PHF8: variants seen among roughly 807,000 people sequenced by gnomAD.
PHF8 encodes the protein PHD finger protein 8, also known as histone lysine demethylase PHF8.
In PHF8, 9 loss-of-function variants were observed where a neutral mutation model predicts 74.4. The observed-to-expected ratio is 0.12, with a 90% CI of 0.07 to 0.21. The LOEUF (loss-of-function observed/expected upper bound fraction) is 0.21, where lower values mean the gene tolerates loss of function less well. Among genes scored for constraint, PHF8 ranks in the 10% least tolerant of loss-of-function variants. The probability of loss-of-function intolerance (pLI) is 1.00; values close to 1 mark genes in which losing one functional copy is unlikely to be tolerated. For synonymous variants in PHF8, 311 were observed against 316.6 expected (o/e 0.98, Z 0.19); for missense variants, 478 against 816.6 (o/e 0.59, Z 5.05).
intron 10 of PHF8, 39 bp downstream of exon 10, chrX:54,002,116 G>T (rs782037618): frequency 2.7e-6 from 2 of 741,555 alleles, no homozygotes; most frequent in South Asian, 2.1e-5. Context: ...TCACTCAGGG[G>T]AGAGGGGCAA....
At chrX:53,943,809 C>A (rs2064790184) in intron 20 of PHF8, among the ~76,000 whole-genome samples, 1 of 112,079 alleles carries the variant, frequency 8.9e-6, no homozygotes, top group African/African-American at 3.2e-5. Flanking sequence ...CCCCTCAGGG[C>A]TTCATATGAG....
intron 7 of PHF8, 53 bp downstream of exon 7, chrX:54,014,324 C>T (rs1300451107): frequency 9.8e-6 from 8 of 817,072 alleles, no homozygotes; most frequent in Admixed American, 8.9e-5. Flanking sequence ...CCATGTGACA[C>T]GTACAGGGAG....
At chrX:53,969,820 C>T (rs1425427945) in intron 18 of PHF8, among the ~76,000 whole-genome samples, 3 of 111,550 alleles carry the variant, frequency 2.7e-5, no homozygotes, top group African/African-American at 6.5e-5. Context: ...ATAAATCCAC[C>T]CACTTATAGC....
intron 18 of PHF8, among the ~76,000 whole-genome samples, chrX:53,975,375 T>A (rs1691766222): frequency 8.9e-6 from 1 of 112,082 alleles, no homozygotes. Context: ...GCTGGGCATA[T>A]CCAAAAGGAA....
chrX:54,040,632 G>T (rs1557115604), intron 2 of PHF8, among the ~76,000 whole-genome samples: 12 of 111,876 alleles, frequency 1.1e-4, no homozygotes, highest in Admixed American at 1.1e-3. Context: ...GCATAAAGGA[G>T]TATAAAATTT....
chrX:53,943,451 TAGATTACA>T, intron 20 of PHF8: 1 of 1,053,801 alleles, frequency 9.5e-7, no homozygotes, highest in South Asian at 2.8e-5. Context: ...ATTGGGCAGA[TAGATTACA>T]TTACACATTA....
At chrX:53,983,951 A>G (rs1188395579) in intron 18 of PHF8, among the ~76,000 whole-genome samples, 1 of 112,766 alleles carries the variant, frequency 8.9e-6, no homozygotes, top group East Asian at 2.8e-4. Context: ...AAATGATGAC[A>G]AAGGTTATCT....
intron 18 of PHF8, among the ~76,000 whole-genome samples, chrX:53,977,078 T>C (rs2065390544): frequency 8.9e-6 from 1 of 112,718 alleles, no homozygotes; most frequent in African/African-American, 3.2e-5. Context: ...CTCATGCCAA[T>C]AATCCCAGCA....
intron 18 of PHF8, 149 bp downstream of exon 18, chrX:53,984,765 A>G (rs1330345098): frequency 1.9e-6 from 1 of 531,548 alleles, no homozygotes; most frequent in African/African-American, 2.3e-5. Flanking sequence ...CCATTTTACA[A>G]ATTAGGAAAA....
rs1163489158 is a variant in PHF8 at position 53,937,446 on chromosome X, C to T, written c.*1712G>A. On this transcript the variant is annotated 3_prime_UTR_variant, in exon 22 of 22. Coordinates refer to ENST00000338154, the MANE Select transcript of PHF8 (RefSeq NM_015107.3). ...GGCTTCTCCTGCTCTCCCCTCACTA[C>T]CCTCTGCTGCCTTGAAATCCCCAAA... The T allele has an allele frequency of 8.8e-6, 1 of 113,532 alleles. No individual in the cohort carries two copies. The highest frequency in any genetic ancestry group is 2.8e-4 in the East Asian group (1 of 3,595). 9.4% of individuals were successfully genotyped at this position (113,532 alleles called of 1,213,427 possible). A position where few individuals can be genotyped will look rare whatever the true frequency, so the allele number is the denominator to read the frequency against.
rs782504592 is a variant in PHF8 at position 54,022,321 on chromosome X, C to T, written c.231G>A (p.Gly77=). The T allele has an allele frequency of 1.7e-6, 2 of 1,208,211 alleles. No individual in the cohort carries two copies. Among genetic ancestry groups the T allele is most frequent in the Non-Finnish European group, 2.2e-6 (2 of 892,213 alleles). Residue 77 remains glycine (G), a synonymous_variant, in exon 4 of 22, where the codon GGG becomes GGA. Transcript: ENST00000338154. ...GSSKGHDTHK[G]KPVKTGSPTF... ...TAGGGCTCCCGGTCTTCACTGGTTT[C>T]CCCTTGTGTGTATCATGCCCCTTTG...
chrX:54,040,827 A>G (rs2066540065), intron 2 of PHF8, among the ~76,000 whole-genome samples: 1 of 112,267 alleles, frequency 8.9e-6, no homozygotes, highest in Non-Finnish European at 1.9e-5. Context: ...CTTGATCAGC[A>G]CTAGCAAAGA....
At chrX:53,946,655 A>G (rs138285527) in intron 19 of PHF8, among the ~76,000 whole-genome samples, 82 of 112,436 alleles carry the variant, frequency 7.3e-4, no homozygotes, top group African/African-American at 2.3e-3. Context: ...AAGGCATTCA[A>G]ATGCCACATG....
intron 14 of PHF8, 61 bp downstream of exon 14, chrX:53,992,675 T>A (rs2065684808): frequency 1.5e-6 from 1 of 668,663 alleles, no homozygotes; most frequent in African/African-American, 2.2e-5. Context: ...CCATGCCCTG[T>A]CTCAGTGGCA....
At position 53,968,628 on chromosome X, in the gene PHF8, G is replaced by A. The variant is rs781947699; in HGVS notation, c.2444-5689C>T. On this transcript the variant is annotated intron_variant, in intron 18 of 21. Coordinates refer to ENST00000338154, the MANE Select transcript of PHF8 (RefSeq NM_015107.3). ...TACAACAATTAAAACTACAGGCCTCGCCGGGCACGGTGGCTCACGCCTGTA... is the reference window on the plus strand; with the variant it reads ...TACAACAATTAAAACTACAGGCCTCACCGGGCACGGTGGCTCACGCCTGTA... 6.2e-5 allele frequency among the ~76,000 whole-genome samples: 7 copies of A among 112,676 alleles called. No individual in the cohort carries two copies. The East Asian group carries it at 1.1e-3, about 18-fold the overall frequency.
In PHF8 at chrX:53,938,269, G is replaced by A. The variant is rs191937963; in HGVS notation, c.*889C>T. 49 of 1,030,877 alleles carry A rather than the reference G, an allele frequency of 4.8e-5. No individual in the cohort carries two copies. The highest frequency in any genetic ancestry group is 3.3e-4 in the East Asian group (9 of 27,169). The allele number at this position is 1,030,877 out of a possible 1,213,427, so 85.0% of individuals were successfully genotyped here. On this transcript the variant is annotated 3_prime_UTR_variant, in exon 22 of 22. Coordinates refer to ENST00000338154, the MANE Select transcript of PHF8 (RefSeq NM_015107.3). ...GCCAGGGTTATCTGCGTCATTGGCA[G>A]GTGCTTTCAGGTTTCTGGGAGATGG...
At position 53,966,302 on chromosome X, in the gene PHF8, C is replaced by T. The variant is rs1457130209; in HGVS notation, c.2444-3363G>A. On this transcript the variant is annotated intron_variant, in intron 18 of 21. Transcript: ENST00000338154. The stretch of plus-strand genomic sequence containing the variant: ...GCCGAGCTGAAGCTGGACTGTACTG[C>T]TGCCATCTCGGCTCACTGCAACCTC... 4.5e-5 allele frequency among the ~76,000 whole-genome samples: 5 copies of T among 111,871 alleles called. No individual in the cohort carries two copies. In the East Asian group the frequency reaches 1.1e-3, roughly 25 times the overall value.
At position 53,943,428 on chromosome X, in the gene PHF8, G is replaced by A. The variant is rs997912812; in HGVS notation, c.2649+706C>T. 4.7e-6 allele frequency: 5 copies of A among 1,065,642 alleles called. No individual in the cohort carries two copies. In the Admixed American group the frequency reaches 8.8e-5, roughly 19 times the overall value. 87.8% of individuals were successfully genotyped at this position (1,065,642 alleles called of 1,213,427 possible). A position where few individuals can be genotyped will look rare whatever the true frequency, so the allele number is the denominator to read the frequency against. On this transcript the variant is annotated intron_variant, in intron 20 of 21. Coordinates refer to ENST00000338154, the MANE Select transcript of PHF8 (RefSeq NM_015107.3). The stretch of plus-strand genomic sequence containing the variant: ...CTATAAAATGATGAAAATATCACCT[G>A]TTGAACAGGGCTATTGGGCAGATAG...
intron 1 of PHF8, 78 bp from the exon 2 acceptor site, chrX:54,042,898 A>C: frequency 4.0e-6 from 3 of 750,709 alleles, no homozygotes; most frequent in Non-Finnish European, 5.5e-6. Context: ...CAGTTCTCCA[A>C]TAGAGTTACC....
Sources: allele counts gnomAD v4.1 joint callset (sites outside exome capture counted in the v4.1 genomes callset), GRCh38; gene constraint gnomAD v4.1.1; transcripts MANE v1.5; gene names NCBI Gene and HGNC (gene_info 2026-07-23, HGNC 2026-07-21).